Variants in MACROD2 observed in about 807,000 individuals in gnomAD.
MACROD2 encodes the protein ADP-ribose glycohydrolase MACROD2.
A neutral mutation model predicts 70.4 loss-of-function variants in MACROD2; 36 were observed. That is an observed-to-expected ratio of 0.51 (90% CI 0.39 to 0.68). The LOEUF (loss-of-function observed/expected upper bound fraction) is 0.68, where lower values mean the gene tolerates loss of function less well. Among genes scored for constraint, MACROD2 ranks in the 30% least tolerant of loss-of-function variants. The pLI is 0.00. For synonymous variants in MACROD2, 172 were observed against 178.8 expected, an observed-to-expected ratio of 0.96 and a Z score of 0.30; for missense variants, 496 against 538.4, an observed-to-expected ratio of 0.92 and a Z score of 0.78.
intron 3 of MACROD2, among the ~76,000 whole-genome samples, chr20:14,447,990 G>GTC: frequency 6.6e-6 from 1 of 150,796 alleles, no homozygotes; most frequent in South Asian, 2.1e-4. Context: ...GTGTGTGTGT[G>GTC]TGTGTGTGTG....
intron 8 of MACROD2, among the ~76,000 whole-genome samples, chr20:15,534,026 C>T (rs1263844681): frequency 6.6e-6 from 1 of 152,024 alleles, no homozygotes; most frequent in Non-Finnish European, 1.5e-5. Flanking sequence ...AGATGATAAC[C>T]CTGAGGCTAA....
At chr20:14,540,248 C>T (rs2085414889) in intron 4 of MACROD2, among the ~76,000 whole-genome samples, 1 of 152,028 alleles carries the variant, frequency 6.6e-6, no homozygotes, top group Non-Finnish European at 1.5e-5. Context: ...TGTCTGTGAC[C>T]TCAGTTACGT....
At chr20:15,656,608 T>C (rs2049734502) in intron 8 of MACROD2, among the ~76,000 whole-genome samples, 2 of 152,022 alleles carry the variant, frequency 1.3e-5, no homozygotes, top group South Asian at 2.1e-4. Context: ...ATGAGTCCAA[T>C]AAGGAAAGGT....
intron 5 of MACROD2, among the ~76,000 whole-genome samples, chr20:14,859,911 C>G (rs984529115): frequency 1.5e-4 from 23 of 152,230 alleles, no homozygotes; most frequent in African/African-American, 5.5e-4. Flanking sequence ...GGAGGTCACT[C>G]TGTCCAGCAT....
At chr20:15,320,804 T>C (rs532758356) in intron 6 of MACROD2, among the ~76,000 whole-genome samples, 3 of 152,100 alleles carry the variant, frequency 2.0e-5, no homozygotes, top group African/African-American at 7.2e-5. Context: ...AGATCTCTTA[T>C]GGAAAGTTGT....
At position 14,418,152 on chromosome 20, in the gene MACROD2, A is replaced by G. The variant is rs150852066; in HGVS notation, c.272-75327A>G. On this transcript the variant is annotated intron_variant, in intron 3 of 17. Transcript: ENST00000684519. ...ATTTTTGTGTCTTTTGGGCTGTCAT[A>G]CCCTGTGATGAACAGAATAGGACTT... Among the ~76,000 whole-genome samples the G allele has an allele frequency of 3.2e-3, 490 of 152,300 alleles. 5 individuals carry two copies. Among genetic ancestry groups the G allele is most frequent in the African/African-American group, 0.011 (466 of 41,564 alleles).
intron 5 of MACROD2, among the ~76,000 whole-genome samples, chr20:14,765,759 T>C (rs924533127): frequency 1.3e-5 from 2 of 152,072 alleles, no homozygotes; most frequent in African/African-American, 2.4e-5. Flanking sequence ...ATGAAGTAGG[T>C]TGGAAGTCTG....
intron 15 of MACROD2, among the ~76,000 whole-genome samples, chr20:16,030,445 C>T (rs1204312153): frequency 1.3e-5 from 2 of 152,076 alleles, no homozygotes; most frequent in East Asian, 3.9e-4. Flanking sequence ...CCTGCAAGCA[C>T]ACTGAAACCT....
chr20:15,147,582 T>C (rs961163166), intron 5 of MACROD2, among the ~76,000 whole-genome samples: 8 of 152,178 alleles, frequency 5.3e-5, no homozygotes, highest in Admixed American at 2.6e-4. Flanking sequence ...AAAATTATTA[T>C]GCTATTTTTT....
intron 8 of MACROD2, among the ~76,000 whole-genome samples, chr20:15,653,645 G>A (rs1245403136): frequency 6.6e-6 from 1 of 152,122 alleles, no homozygotes; most frequent in Non-Finnish European, 1.5e-5. Context: ...TTCCCTCAGT[G>A]GCCTATGACT....
At chr20:15,192,435 T>C (rs1357975386) in intron 5 of MACROD2, among the ~76,000 whole-genome samples, 1 of 152,216 alleles carries the variant, frequency 6.6e-6, no homozygotes, top group Non-Finnish European at 1.5e-5. Flanking sequence ...AAAATTGTAC[T>C]GTGAGAGTGA....
At chr20:14,713,954 G>T (rs767524724) in intron 5 of MACROD2, among the ~76,000 whole-genome samples, 1 of 152,136 alleles carries the variant, frequency 6.6e-6, no homozygotes, top group Non-Finnish European at 1.5e-5. Flanking sequence ...ACAGAGGTGG[G>T]AGATGAATTC....
chr20:14,474,286 G>A (rs1048452256), intron 3 of MACROD2, among the ~76,000 whole-genome samples: 2 of 152,078 alleles, frequency 1.3e-5, no homozygotes, highest in Admixed American at 1.3e-4. Flanking sequence ...TTTTCTTCTA[G>A]TAGTTTCATA....
In MACROD2 at chr20:14,807,030, C is replaced by T. The variant is rs111257939; in HGVS notation, c.418+122071C>T. 3.9e-3 allele frequency among the ~76,000 whole-genome samples: 594 copies of T among 152,228 alleles called. 5 individuals are homozygous for T. The highest frequency in any genetic ancestry group is 0.013 in the African/African-American group (537 of 41,560). The stretch of plus-strand genomic sequence containing the variant: ...TAGGCACAGCTTTAGCAGACTTAAA[C>T]GTTCCTTCCTGCCTGCTCTGAAGAG... On this transcript the variant is annotated intron_variant, in intron 5 of 17. Transcript: ENST00000684519.
chr20:14,294,637 G>A (rs953258553), intron 3 of MACROD2, among the ~76,000 whole-genome samples: 12 of 151,760 alleles, frequency 7.9e-5, no homozygotes, highest in East Asian at 1.9e-4. Flanking sequence ...ACGGCATAAC[G>A]TGTATATCAT....
intron 6 of MACROD2, among the ~76,000 whole-genome samples, chr20:15,312,198 A>G (rs2077760588): frequency 2.6e-5 from 4 of 152,312 alleles, no homozygotes; most frequent in Middle Eastern, 3.4e-3. Flanking sequence ...TCCTATATAC[A>G]TACTTTCATA....
At chr20:14,868,820 A>G (rs971330617) in intron 5 of MACROD2, among the ~76,000 whole-genome samples, 10 of 152,194 alleles carry the variant, frequency 6.6e-5, no homozygotes, top group African/African-American at 2.2e-4. Context: ...AAGTGGGTGC[A>G]GAATGAGACT....
chr20:14,946,972 A>C (rs1324885001), intron 5 of MACROD2, among the ~76,000 whole-genome samples: 1 of 152,132 alleles, frequency 6.6e-6, no homozygotes, highest in African/African-American at 2.4e-5. Flanking sequence ...ATTTTGGTGG[A>C]GACACAAAGG....
chr20:15,919,146 A>C (rs1219290991), intron 10 of MACROD2, among the ~76,000 whole-genome samples: 1 of 152,220 alleles, frequency 6.6e-6, no homozygotes, highest in Non-Finnish European at 1.5e-5. Flanking sequence ...AAAAAAGAAC[A>C]TTTGATAAGG....
Sources: gnomAD v4.1 joint callset for allele counts (sites outside exome capture counted in the v4.1 genomes callset) on GRCh38, gnomAD v4.1.1 for gene constraint, MANE v1.5 for transcripts, NCBI Gene and HGNC (gene_info 2026-07-23, HGNC 2026-07-21) for gene names.